GCC2: variants seen among roughly 807,000 people sequenced by gnomAD.
The protein encoded by GCC2 is GRIP and coiled-coil domain containing 2.
In GCC2, 120 loss-of-function variants were observed where a neutral mutation model predicts 210.6. That is an observed-to-expected ratio of 0.57 (90% CI 0.49 to 0.66). The LOEUF (loss-of-function observed/expected upper bound fraction) is 0.66, where lower values mean the gene tolerates loss of function less well. Among genes scored for constraint, GCC2 ranks in the 30% least tolerant of loss-of-function variants. The pLI, the probability that GCC2 is intolerant of heterozygous loss-of-function variation, is 0.00. For synonymous variants in GCC2, 703 were observed against 652.7 expected (o/e 1.08, Z -1.17); for missense variants, 1,868 against 1,871.9 (o/e 1.00, Z 0.04).
At chr2:108,449,778 ATT>A (rs377365761) in intron 2 of GCC2, 89 bp downstream of exon 2, 3,333 of 736,052 alleles carry the variant, frequency 4.5e-3, no homozygotes, top group South Asian at 6.7e-3. Context: ...GGGGGCGCTG[ATT>A]TTTTTTTTTT....
chr2:108,471,436 C>A lies in GCC2; in HGVS notation c.2107C>A (p.Gln703Lys), dbSNP rs750989248. The change falls in exon 6 of 23, where the codon CAG (glutamine) becomes AAG (lysine). Residue 703 changes from glutamine to lysine, a missense_variant. By Grantham distance (53) the Gln-to-Lys change is moderately conservative. Coordinates refer to ENST00000309863, the MANE Select transcript of GCC2 (RefSeq NM_181453.4). ...CAATAAACTCAGTTCAGAAAAAAAA[C>A]AGTTGAGTAGGGATTTGGAGGTTTT... ...ENNKLSSEKK[Q>K]LSRDLEVFLS... 22 of 1,607,424 alleles carry A rather than the reference C, an allele frequency of 1.4e-5. No individual in the cohort carries two copies. The highest frequency in any genetic ancestry group is 2.2e-5 in the South Asian group (2 of 89,370).
Position 108,471,349 on chromosome 2 carries a change from A to G in GCC2, c.2020A>G (p.Lys674Glu). 1.2e-6 allele frequency: 2 copies of G among 1,611,298 alleles called. No individual in the cohort carries two copies. The highest frequency in any genetic ancestry group is 2.7e-5 in the African/African-American group (2 of 74,826). ...ACTAGAAAAACTTATGGTTCAAATG[A>G]AAGTTCTCTCTGAAGACAAAGAAGT... ...QKLEKLMVQM[K>E]VLSEDKEVLS... The change falls in exon 6 of 23, where the codon AAA becomes GAA. Residue 674 changes from lysine to glutamate, a missense_variant. Coordinates refer to ENST00000309863, the MANE Select transcript of GCC2 (RefSeq NM_181453.4).
Position 108,469,678 on chromosome 2 carries a change from C to T in GCC2, c.349C>T (p.His117Tyr), listed in dbSNP as rs368534626. The change falls in exon 6 of 23, where the codon CAT (histidine) becomes TAT (tyrosine). Residue 117 changes from histidine (H) to tyrosine (Y), a missense_variant. By Grantham distance (83) the His-to-Tyr change is moderately conservative (BLOSUM62 2). Around this residue, in one of 3 missense-constraint regions of GCC2, gnomAD observed 1,847 missense variants for 1,765.2 expected, o/e 1.05. Transcript: ENST00000309863. ...EDSVTKMGDAHKELEQSHINY... is the reference protein window; with the variant it reads ...EDSVTKMGDAYKELEQSHINY... ...TTCTGTAACAAAGATGGGAGATGCACATAAGGAGTTGGAACAATCACATAT... is the reference window on the plus strand; with the variant it reads ...TTCTGTAACAAAGATGGGAGATGCATATAAGGAGTTGGAACAATCACATAT... 43 of 1,600,970 alleles carry T rather than the reference C, an allele frequency of 2.7e-5. No homozygotes were observed. In the Middle Eastern group the frequency reaches 1.2e-3, roughly 43 times the overall value.
At chr2:108,479,759 C>T (rs1410229683) in intron 9 of GCC2, among the ~76,000 whole-genome samples, 4 of 151,650 alleles carry the variant, frequency 2.6e-5, no homozygotes, top group African/African-American at 7.3e-5. Context: ...TTGAGGCATG[C>T]GGATCACCTG....
intron 4 of GCC2, among the ~76,000 whole-genome samples, chr2:108,455,604 A>G (rs183429473): frequency 8.4e-4 from 128 of 152,154 alleles, no homozygotes; most frequent in African/African-American, 2.9e-3. Flanking sequence ...AGTATTTACT[A>G]TCCACAGCCA....
chr2:108,497,014 C>G lies in GCC2; in HGVS notation c.4687C>G (p.Gln1563Glu). The G allele has an allele frequency of 1.2e-6, 2 of 1,611,990 alleles. No individual in the cohort carries two copies. The highest frequency in any genetic ancestry group is 1.3e-5 in the African/African-American group (1 of 74,952). ...TGAATTTACCAAAGAAGAATTGGTT[C>G]AGAAGCTCAGTTCCACCACAAAAAG... ...HAEFTKEELV[Q>E]KLSSTTKSAD... Residue 1563 changes from glutamine to glutamate, a missense_variant, in exon 21 of 23, where the codon CAG becomes GAG. Gln to Glu is a conservative substitution (Grantham distance 29). Coordinates refer to ENST00000309863, the MANE Select transcript of GCC2 (RefSeq NM_181453.4).
At chr2:108,501,873 A>G (rs1406144992) in intron 22 of GCC2, among the ~76,000 whole-genome samples, 7 of 152,070 alleles carry the variant, frequency 4.6e-5, no homozygotes, top group Admixed American at 2.6e-4. Context: ...GTTTTTTATA[A>G]TCTTTCTAAT....
At chr2:108,461,991 C>A (rs2104427032) in intron 4 of GCC2, among the ~76,000 whole-genome samples, 1 of 131,046 alleles carries the variant, frequency 7.6e-6, no homozygotes, top group South Asian at 2.5e-4. Flanking sequence ...CACCACCGCC[C>A]CCAGCTAATT....
At chr2:108,468,321 C>T (rs1477929776) in intron 4 of GCC2, among the ~76,000 whole-genome samples, 1 of 152,158 alleles carries the variant, frequency 6.6e-6, no homozygotes, top group Non-Finnish European at 1.5e-5. Context: ...CCACCTCTGC[C>T]TCCCAAAGTG....
Position 108,477,688 on chromosome 2 carries a change from C to G in GCC2, c.3060+1838C>G, listed in dbSNP as rs573453075. 8.5e-5 allele frequency among the ~76,000 whole-genome samples: 13 copies of G among 152,246 alleles called. No homozygotes were observed. In the South Asian group the frequency reaches 2.7e-3, roughly 32 times the overall value. On this transcript the variant is annotated intron_variant, in intron 9 of 22. Coordinates refer to ENST00000309863, the MANE Select transcript of GCC2 (RefSeq NM_181453.4). ...TTTTGTGAAAAATATTTTTTAAAAACCTAGAATGAAATACTTGATCCTTTA... is the reference window on the plus strand; with the variant it reads ...TTTTGTGAAAAATATTTTTTAAAAAGCTAGAATGAAATACTTGATCCTTTA...
Position 108,497,114 on chromosome 2 carries a change from G to T in GCC2, c.4782+5G>T, listed in dbSNP as rs369085315. Reference sequence around the variant, plus strand: ...ATTCTTATGGAGCAAATTAAGGTGAGATCAGAAAACCTGGCCGCCGTGAAA... The same window carrying T: ...ATTCTTATGGAGCAAATTAAGGTGATATCAGAAAACCTGGCCGCCGTGAAA... On this transcript the variant is annotated splice_donor_5th_base_variant and intron_variant, in intron 21 of 22. Transcript: ENST00000309863. 1 of 1,611,884 alleles carries T rather than the reference G, an allele frequency of 6.2e-7. No individual in the cohort carries two copies. The highest frequency in any genetic ancestry group is 1.3e-5 in the African/African-American group (1 of 74,856).
chr2:108,475,463 G>T (rs575610485), intron 7 of GCC2, 72 bp from the exon 8 acceptor site: 15 of 635,934 alleles, frequency 2.4e-5, no homozygotes, highest in African/African-American at 1.9e-4. Context: ...ATAATCTAGG[G>T]CTAAAATAAG....
Position 108,483,086 on chromosome 2 carries a change from C to T in GCC2, c.3370C>T (p.Leu1124Phe), listed in dbSNP as rs1440973448. The change falls in exon 12 of 23, where the codon CTT (leucine) becomes TTT (phenylalanine). Residue 1124 changes from leucine to phenylalanine, a missense_variant. By Grantham distance (22) the Leu-to-Phe change is conservative. This residue lies in a region of GCC2 where 1,847 missense variants were observed against 1,765.2 expected (regional missense o/e 1.05). Transcript: ENST00000309863. ...IKEHATTVNE[L>F]EELQVQLQKQ... ...GGAACATGCCACTACTGTAAATGAA[C>T]TTGAAGAACTTCAGGTACAACTTCA... 3.8e-6 allele frequency: 6 copies of T among 1,582,562 alleles called. No homozygotes were observed. Among genetic ancestry groups the T allele is most frequent in the Non-Finnish European group, 5.2e-6 (6 of 1,151,790 alleles).
chr2:108,493,366 G>A, intron 19 of GCC2: 1 of 928,834 alleles, frequency 1.1e-6, no homozygotes, highest in African/African-American at 1.8e-5. Context: ...GGGATTACAG[G>A]CATGAGCCAC....
intron 4 of GCC2, among the ~76,000 whole-genome samples, chr2:108,453,626 A>C (rs1004239076): frequency 6.6e-6 from 1 of 152,090 alleles, no homozygotes; most frequent in Non-Finnish European, 1.5e-5. Context: ...CTGTACTAAA[A>C]ATACAACATT....
Position 108,472,852 on chromosome 2 carries a change from TA to T in GCC2, c.2819del (p.Asn940MetfsTer7). 1 of 1,595,130 alleles carries T rather than the reference TA, an allele frequency of 6.3e-7. No individual in the cohort carries two copies. The highest frequency in any genetic ancestry group is 8.6e-7 in the Non-Finnish European group (1 of 1,168,130). On this transcript the variant is annotated frameshift_variant, in exon 7 of 23. Transcript: ENST00000309863. LOFTEE classifies it high-confidence loss of function. Reference protein sequence around the residue: ...LKDSLAKSPSVKNDPLSSVKE... With the variant: ...LKDSLAKSPSXKNDPLSSVKE... ...GATTCCTTAGCAAAATCACCTTCTG[TA>T]AAAAATGATCCTCTGTCTTCAGTAA...
At chr2:108,478,864 A>G (rs1411833811) in intron 9 of GCC2, among the ~76,000 whole-genome samples, 1 of 152,212 alleles carries the variant, frequency 6.6e-6, no homozygotes, top group African/African-American at 2.4e-5. Context: ...TATGGAAAAG[A>G]AAAGACCCTA....
chr2:108,461,676 G>T (rs990394163), intron 4 of GCC2, among the ~76,000 whole-genome samples: 1 of 150,594 alleles, frequency 6.6e-6, no homozygotes, highest in South Asian at 2.1e-4. Context: ...CTAATTTTTT[G>T]TATTTTTAGT....
intron 2 of GCC2, among the ~76,000 whole-genome samples, chr2:108,450,275 G>C (rs1001809632): frequency 6.6e-6 from 1 of 152,168 alleles, no homozygotes; most frequent in Non-Finnish European, 1.5e-5. Context: ...ATTTTCTCAA[G>C]TGGTAAAGCT....
Sources: gnomAD v4.1 joint callset for allele counts (sites outside exome capture counted in the v4.1 genomes callset) on GRCh38, gnomAD v4.1.1 for gene constraint, gnomAD v4.1.1 regional missense constraint, MANE v1.5 for transcripts, NCBI Gene and HGNC (gene_info 2026-07-23, HGNC 2026-07-21) for gene names.